The following OGA variants were observed in gnomAD, a reference collection of about 807,000 sequenced individuals.
The protein encoded by OGA is protein O-GlcNAcase.
In OGA, 21 loss-of-function variants were observed where a neutral mutation model predicts 102.0. The ratio of observed to expected loss-of-function variants is 0.21; its 90% CI spans 0.15 to 0.30. OGA has a LOEUF of 0.30. Among genes scored for constraint, OGA ranks in the 10% least tolerant of loss-of-function variants. The probability of loss-of-function intolerance (pLI) is 1.00; values close to 1 mark genes in which losing one functional copy is unlikely to be tolerated. For missense variants in OGA, 765 were observed against 1,107.8 expected, an observed-to-expected ratio of 0.69 and a Z score of 4.39; for synonymous variants, 408 against 378.2, an observed-to-expected ratio of 1.08 and a Z score of -0.91.
chr10:101,806,536 A>C (rs139348196), intron 5 of OGA, among the ~76,000 whole-genome samples: 64 of 152,348 alleles, frequency 4.2e-4, no homozygotes, highest in African/African-American at 1.4e-3. Flanking sequence ...CTAAATGATA[A>C]AAGGCCTCCT....
intron 4 of OGA, among the ~76,000 whole-genome samples, chr10:101,808,458 G>C (rs1341476420): frequency 6.6e-6 from 1 of 152,140 alleles, no homozygotes; most frequent in African/African-American, 2.4e-5. Flanking sequence ...GAAAAAGCCA[G>C]GCTGTGTCCT....
At chr10:101,811,567 G>A (rs977066481) in intron 3 of OGA, among the ~76,000 whole-genome samples, 2 of 152,016 alleles carry the variant, frequency 1.3e-5, no homozygotes, top group Non-Finnish European at 2.9e-5. Context: ...GCTGGGTGTG[G>A]TGACCCGCGC....
intron 10 of OGA, 79 bp downstream of exon 10, chr10:101,797,901 A>C (rs117526247): frequency 7.1e-7 from 1 of 1,409,522 alleles, no homozygotes; most frequent in South Asian, 1.2e-5. Context: ...AATTCCCTAA[A>C]TGTTTTTCTC....
rs1388469612 is a variant in OGA, at chr10:101,818,148, C to T, written c.-126G>A. Reference sequence around the variant, plus strand: ...GCGCCCCTCCGGCTCCTTCCCCTCCCCCTCTGCCCTTCCCCCTCCCTCTCC... The same window carrying T: ...GCGCCCCTCCGGCTCCTTCCCCTCCTCCTCTGCCCTTCCCCCTCCCTCTCC... On this transcript the variant is annotated 5_prime_UTR_variant, in exon 1 of 16. Transcript: ENST00000361464. 2.9e-6 allele frequency: 4 copies of T among 1,382,168 alleles called. No individual in the cohort carries two copies. Among genetic ancestry groups the T allele is most frequent in the Non-Finnish European group, 3.7e-6 (4 of 1,070,560 alleles). 85.6% of individuals were successfully genotyped at this position (1,382,168 alleles called of 1,614,324 possible). A position where few individuals can be genotyped will look rare whatever the true frequency, so the allele number is the denominator to read the frequency against.
rs781524499 is a variant in OGA, at chr10:101,799,303, T to C, written c.1348A>G (p.Thr450Ala). ...QGAALSGEPT[T>A]LTKEEEKKQP... Reference sequence around the variant, plus strand: ...TTCTTTTCTTCTTCCTTGGTCAGAGTAGTAGGCTCACCACTCAAGGCTGCT... The same window carrying C: ...TTCTTTTCTTCTTCCTTGGTCAGAGCAGTAGGCTCACCACTCAAGGCTGCT... The change falls in exon 9 of 16, where the codon ACT becomes GCT. Residue 450 changes from threonine to alanine, a missense_variant. Around this residue, in one of 7 missense-constraint regions of OGA, gnomAD observed 281 missense variants for 345.8 expected, o/e 0.81. Transcript: ENST00000361464. 55 of 1,613,958 alleles carry C rather than the reference T, an allele frequency of 3.4e-5. No homozygotes were observed. The highest frequency in any genetic ancestry group is 2.4e-5 in the Non-Finnish European group (28 of 1,180,018).
intron 14 of OGA, chr10:101,787,724 T>C: frequency 1.9e-6 from 1 of 525,798 alleles, no homozygotes; most frequent in South Asian, 2.4e-5. Flanking sequence ...TTGGCCAGGC[T>C]GGAGAGGGGC....
chr10:101,812,999 T>C (rs1168488123), intron 3 of OGA, 31 bp downstream of exon 3: 4 of 1,471,054 alleles, frequency 2.7e-6, no homozygotes, highest in African/African-American at 2.8e-5. Flanking sequence ...TTCACAGATT[T>C]TGAATTTATG....
At chr10:101,787,141 C>T (rs962025826) in intron 15 of OGA, among the ~76,000 whole-genome samples, 1 of 151,984 alleles carries the variant, frequency 6.6e-6, no homozygotes, top group African/African-American at 2.4e-5. Context: ...TTCGGCCTCC[C>T]GAAGTGCTAG....
rs2065663912 is a variant in OGA, at chr10:101,817,948, C to A, written c.75G>T (p.Ala25=). The change falls in exon 1 of 16, where the codon GCG becomes GCT. Residue 25 remains alanine, a synonymous_variant. Transcript: ENST00000361464. ...SELSSNPAAS[A]GASLEPPAAP... Reference sequence around the variant, plus strand: ...CTGCCGGCGGCTCCAGCGATGCCCCCGCAGAGGCGGCAGGGTTGGAGCTGA... The same window carrying A: ...CTGCCGGCGGCTCCAGCGATGCCCCAGCAGAGGCGGCAGGGTTGGAGCTGA... The A allele has an allele frequency of 2.5e-6, 4 of 1,598,014 alleles. No individual in the cohort carries two copies. The South Asian group carries it at 3.4e-5, about 13-fold the overall frequency.
intron 7 of OGA, among the ~76,000 whole-genome samples, chr10:101,802,848 A>G (rs956116389): frequency 2.0e-5 from 3 of 149,400 alleles, no homozygotes; most frequent in African/African-American, 7.4e-5. Context: ...ATAAGACTGT[A>G]TTCCATTCGG....
chr10:101,788,630 G>T (rs181518618), intron 14 of OGA, among the ~76,000 whole-genome samples: 1 of 151,846 alleles, frequency 6.6e-6, no homozygotes, highest in Non-Finnish European at 1.5e-5. Flanking sequence ...GACTACTCGG[G>T]AGGCTGAGGC....
intron 1 of OGA, among the ~76,000 whole-genome samples, chr10:101,817,525 G>A (rs1332409395): frequency 6.6e-6 from 1 of 152,096 alleles, no homozygotes; most frequent in South Asian, 2.1e-4. Flanking sequence ...CAAAGAAGTA[G>A]AACTCAGAGG....
In OGA at chr10:101,817,963, G is replaced by A. The variant is rs1290867471; in HGVS notation, c.60C>T (p.Asn20=). Residue 20 remains asparagine (N), a synonymous_variant, in exon 1 of 16, where the codon AAC becomes AAT. Transcript: ENST00000361464. Reference sequence around the variant, plus strand: ...GCGATGCCCCCGCAGAGGCGGCAGGGTTGGAGCTGAGCTCGCTCTCCCGCT... The same window carrying A: ...GCGATGCCCCCGCAGAGGCGGCAGGATTGGAGCTGAGCTCGCTCTCCCGCT... ...LEERESELSS[N]PAASAGASLE... is the part of the protein sequence containing the mutation. The A allele has an allele frequency of 6.2e-7, 1 of 1,605,048 alleles. No individual in the cohort carries two copies. Among genetic ancestry groups the A allele is most frequent in the Admixed American group, 1.7e-5 (1 of 59,618 alleles).
chr10:101,801,394 G>GAAA (rs769953883), intron 7 of OGA, among the ~76,000 whole-genome samples: 2 of 81,040 alleles, frequency 2.5e-5, no homozygotes, highest in African/African-American at 4.6e-5. Context: ...CTCCGTCTCA[G>GAAA]AAAAAAAAAA....
At chr10:101,793,362 A>G (rs2065280170) in intron 11 of OGA, among the ~76,000 whole-genome samples, 1 of 152,234 alleles carries the variant, frequency 6.6e-6, no homozygotes, top group African/African-American at 2.4e-5. Flanking sequence ...TTATCCCCAA[A>G]GCAATGCGCT....
rs188370292 is a variant in OGA, at chr10:101,807,014, G to C, written c.652+716C>G. Among the ~76,000 whole-genome samples the C allele has an allele frequency of 2.7e-3, 405 of 152,192 alleles. 4 individuals carry two copies. The highest frequency in any genetic ancestry group is 8.9e-3 in the African/African-American group (368 of 41,514). Reference sequence around the variant, plus strand: ...AATTTTTTTAAAGGCATATACCAATGGCTATTAGTACTCAACTGCAACTTA... The same window carrying C: ...AATTTTTTTAAAGGCATATACCAATCGCTATTAGTACTCAACTGCAACTTA... On this transcript the variant is annotated intron_variant, in intron 5 of 15. Coordinates refer to ENST00000361464, the MANE Select transcript of OGA (RefSeq NM_012215.5).
In OGA at chr10:101,817,871, G is replaced by A. The variant is rs1341452829; in HGVS notation, c.152C>T (p.Ala51Val). ...CCGCCGAGCCCCTCCTGCAGCCCCG[G>A]CCACCGCCGCTCCCCCAGCCCCGGC... Reference protein sequence around the residue: ...NPAGAGGAAVAGAAGGARRFL... With the variant: ...NPAGAGGAAVVGAAGGARRFL... The change falls in exon 1 of 16, where the codon GCC becomes GTC. Residue 51 changes from alanine to valine, a missense_variant. By Grantham distance (64) the Ala-to-Val change is moderately conservative (BLOSUM62 0). Transcript: ENST00000361464. 1.3e-6 allele frequency: 2 copies of A among 1,547,830 alleles called. No homozygotes were observed. Among genetic ancestry groups the A allele is most frequent in the East Asian group, 4.8e-5 (2 of 41,278 alleles).
In OGA at chr10:101,786,593, A is replaced by T; in HGVS notation, c.2615-6T>A. 2 of 1,574,552 alleles carry T rather than the reference A, an allele frequency of 1.3e-6. No homozygotes were observed. Among genetic ancestry groups the T allele is most frequent in the Non-Finnish European group, 1.7e-6 (2 of 1,164,534 alleles). On this transcript the variant is annotated splice_polypyrimidine_tract_variant and splice_region_variant and intron_variant, in intron 15 of 15. Coordinates refer to ENST00000361464, the MANE Select transcript of OGA (RefSeq NM_012215.5). Reference sequence around the variant, plus strand: ...ACAGAAAGCTCCCCGGGAGCCTAGAAATAAAACAAATATTCAAAACATAAA... The same window carrying T: ...ACAGAAAGCTCCCCGGGAGCCTAGATATAAAACAAATATTCAAAACATAAA...
chr10:101,815,961 G>GAAAAAAAAAAAAAAAAAAAAAAAAAA (rs1185344174), intron 1 of OGA, among the ~76,000 whole-genome samples: 6 of 23,788 alleles, frequency 2.5e-4, no homozygotes, highest in African/African-American at 4.4e-4. Flanking sequence ...ATCAAAAAGA[G>GAAAAAAAAAAAAAAAAAAAAAAAAAA]AGAAAAAAAA....
Sources: gnomAD v4.1 joint callset for allele counts (sites outside exome capture counted in the v4.1 genomes callset) on GRCh38, gnomAD v4.1.1 for gene constraint, gnomAD v4.1.1 regional missense constraint, MANE v1.5 for transcripts, NCBI Gene and HGNC (gene_info 2026-07-23, HGNC 2026-07-21) for gene names.